ALMS1: variants seen among roughly 807,000 people sequenced by gnomAD.
ALMS1 encodes ALMS1 centrosome and basal body associated protein.
In ALMS1, 271 loss-of-function variants were observed where a neutral mutation model predicts 352.2. The ratio of observed to expected loss-of-function variants is 0.77; its 90% CI spans 0.70 to 0.85. ALMS1 has a LOEUF of 0.85. Among genes scored for constraint, ALMS1 ranks in the 40% least tolerant of loss-of-function variants. The probability of loss-of-function intolerance (pLI) is 0.00; values close to 1 mark genes in which losing one functional copy is unlikely to be tolerated. For missense variants in ALMS1, 5,445 were observed against 4,870.7 expected (o/e 1.12, Z -3.51); for synonymous variants, 1,865 against 1,761.2 (o/e 1.06, Z -1.48).
chr2:73,482,103 TC>T (rs1171530035), intron 9 of ALMS1, among the ~76,000 whole-genome samples: 1 of 152,228 alleles, frequency 6.6e-6, no homozygotes, highest in Non-Finnish European at 1.5e-5. Context: ...GGCCAGAACT[TC>T]CAACACCATG....
intron 15 of ALMS1, among the ~76,000 whole-genome samples, chr2:73,563,571 A>T (rs540610880): frequency 2.7e-4 from 41 of 151,862 alleles, no homozygotes; most frequent in African/African-American, 9.9e-4. Flanking sequence ...AAATACAAAA[A>T]AATTAGCCGG....
intron 11 of ALMS1, among the ~76,000 whole-genome samples, chr2:73,527,072 G>C (rs1045480296): frequency 6.6e-6 from 1 of 152,022 alleles, no homozygotes; most frequent in Non-Finnish European, 1.5e-5. Context: ...GCATCACATT[G>C]ATTGATTAGC....
Position 73,513,181 on chromosome 2 carries a change from C to T in ALMS1, c.9540-6594C>T, listed in dbSNP as rs555698461. Reference sequence around the variant, plus strand: ...TATTGTCTGTCTCCTTGGGTGGATGCTCTTTTCACCCTGCTTGGGCTTTGG... The same window carrying T: ...TATTGTCTGTCTCCTTGGGTGGATGTTCTTTTCACCCTGCTTGGGCTTTGG... On this transcript the variant is annotated intron_variant, in intron 10 of 22. Transcript: ENST00000613296. Among the ~76,000 whole-genome samples the T allele has an allele frequency of 8.5e-5, 13 of 152,248 alleles. No homozygotes were observed. In the South Asian group the frequency reaches 2.7e-3, roughly 32 times the overall value.
chr2:73,439,911 C>T (rs1412164134), intron 7 of ALMS1, among the ~76,000 whole-genome samples: 1 of 151,992 alleles, frequency 6.6e-6, no homozygotes, highest in Non-Finnish European at 1.5e-5. Context: ...TCACTTTATT[C>T]CTGTTTCTCT....
intron 9 of ALMS1, among the ~76,000 whole-genome samples, chr2:73,486,951 A>C (rs1049487524): frequency 2.0e-5 from 3 of 152,152 alleles, no homozygotes; most frequent in Admixed American, 6.5e-5. Context: ...GCTATCCAGG[A>C]GGCTGAGGTG....
At chr2:73,464,496 A>G (rs1044178885) in intron 9 of ALMS1, among the ~76,000 whole-genome samples, 2 of 152,236 alleles carry the variant, frequency 1.3e-5, no homozygotes, top group African/African-American at 4.8e-5. Flanking sequence ...ATCATACCGA[A>G]TGGGCAAAAA....
At chr2:73,396,335 C>A (rs1670760859) in intron 1 of ALMS1, among the ~76,000 whole-genome samples, 2 of 151,994 alleles carry the variant, frequency 1.3e-5, no homozygotes, top group African/African-American at 4.8e-5. Flanking sequence ...CACACACACA[C>A]ACACGCTTGT....
chr2:73,594,229 CA>C (rs1463851232), intron 16 of ALMS1, among the ~76,000 whole-genome samples: 1 of 145,004 alleles, frequency 6.9e-6, no homozygotes, highest in Non-Finnish European at 1.5e-5. Flanking sequence ...TCCTAGTGAA[CA>C]GTTGTTTTTG....
At chr2:73,535,186 C>T (rs1674001576) in intron 12 of ALMS1, among the ~76,000 whole-genome samples, 1 of 152,104 alleles carries the variant, frequency 6.6e-6, no homozygotes. Flanking sequence ...TTAGTGGGCT[C>T]CATCTAGGGC....
Position 73,605,231 on chromosome 2 carries a change from C to G in ALMS1, c.12362+1927C>G, listed in dbSNP as rs748426600. Among the ~76,000 whole-genome samples the G allele has an allele frequency of 9.4e-4, 143 of 152,302 alleles. 1 individual carries two copies. The highest frequency in any genetic ancestry group is 4.6e-4 in the Admixed American group (7 of 15,302). Reference sequence around the variant, plus strand: ...AAGAAAATGTGAGTTTTCAAGCCAACAATAGAAATCTAGAAAACTTGTATT... The same window carrying G: ...AAGAAAATGTGAGTTTTCAAGCCAAGAATAGAAATCTAGAAAACTTGTATT... On this transcript the variant is annotated intron_variant, in intron 21 of 22. Transcript: ENST00000613296.
At chr2:73,415,140 T>C (rs911655032) in intron 2 of ALMS1, among the ~76,000 whole-genome samples, 5 of 152,200 alleles carry the variant, frequency 3.3e-5, no homozygotes, top group African/African-American at 1.2e-4. Context: ...AATGCTTATA[T>C]GTTGTCCCTC....
In ALMS1 at chr2:73,426,457, C is replaced by T; in HGVS notation, c.1242C>T (p.Gly414=). 1 of 1,613,930 alleles carries T rather than the reference C, an allele frequency of 6.2e-7. No homozygotes were observed. Among genetic ancestry groups the T allele is most frequent in the South Asian group, 1.1e-5 (1 of 91,078 alleles). ...AAAATGACTCCTATTTTGTAGAGGGCCTGCAGGGGAAGGTTGAGTCTGACG... is the reference window on the plus strand; with the variant it reads ...AAAATGACTCCTATTTTGTAGAGGGTCTGCAGGGGAAGGTTGAGTCTGACG... ...SKQAETYLTK[G]LQGKVESDVI... is the part of the protein sequence containing the mutation. The change falls in exon 6 of 23, where the codon GGC becomes GGT. Residue 414 remains glycine, a synonymous_variant. Transcript: ENST00000613296.
At chr2:73,543,094 G>A (rs948085084) in intron 12 of ALMS1, among the ~76,000 whole-genome samples, 3 of 152,140 alleles carry the variant, frequency 2.0e-5, no homozygotes, top group African/African-American at 7.2e-5. Flanking sequence ...CTGGAGGCAT[G>A]ACGCTACCTG....
chr2:73,573,902 G>A (rs554696966), intron 16 of ALMS1, among the ~76,000 whole-genome samples: 2 of 151,952 alleles, frequency 1.3e-5, no homozygotes, highest in East Asian at 3.9e-4. Context: ...ATTGAAGCTG[G>A]GGTGAGCTAC....
rs1672383188 is a variant in ALMS1 at position 73,467,627 on chromosome 2, C to CATAT, written c.7674+12333_7674+12336dup. Among the ~76,000 whole-genome samples, 8 of 152,112 alleles carry CATAT rather than the reference C, an allele frequency of 5.3e-5. No individual in the cohort carries two copies. In the South Asian group the frequency reaches 1.7e-3, roughly 32 times the overall value. ...GGTACGTACTCAAGAACTATCAGTA[C>CATAT]ATATGTTCAGTAGAAGACATGGTCA... On this transcript the variant is annotated intron_variant, in intron 9 of 22. Coordinates refer to ENST00000613296, the MANE Select transcript of ALMS1 (RefSeq NM_001378454.1).
chr2:73,584,022 T>C (rs1313918886), intron 16 of ALMS1, among the ~76,000 whole-genome samples: 1 of 152,232 alleles, frequency 6.6e-6, no homozygotes, highest in East Asian at 1.9e-4. Flanking sequence ...TTGATTGCTA[T>C]GTAATGCATG....
At chr2:73,567,365 C>T (rs972269081) in intron 15 of ALMS1, among the ~76,000 whole-genome samples, 1 of 152,150 alleles carries the variant, frequency 6.6e-6, no homozygotes, top group Admixed American at 6.5e-5. Flanking sequence ...GTACAAAAAC[C>T]AAATGTCATA....
chr2:73,518,699 C>T (rs1673610151), intron 10 of ALMS1, among the ~76,000 whole-genome samples: 1 of 152,076 alleles, frequency 6.6e-6, no homozygotes, highest in South Asian at 2.1e-4. Flanking sequence ...TTTTGATTTG[C>T]ATTTATGTAA....
In ALMS1 at chr2:73,448,376, C is replaced by G; in HGVS notation, c.1849C>G (p.Leu617Val). Residue 617 changes from leucine (L) to valine (V), a missense_variant, in exon 8 of 23, where the codon CTA becomes GTA. Physicochemically the swap from Leu to Val is conservative, Grantham distance 32. Coordinates refer to ENST00000613296, the MANE Select transcript of ALMS1 (RefSeq NM_001378454.1). ...LADQTTGMST[L>V]TSTSYSHREK... ...TGACCAGACAACTGGCATGTCAACT[C>G]TAACCTCTACTTCCTACTCACATAG... is the stretch of plus-strand genomic sequence containing the variant. 2 of 1,613,830 alleles carry G rather than the reference C, an allele frequency of 1.2e-6. No individual in the cohort carries two copies. Among genetic ancestry groups the G allele is most frequent in the Non-Finnish European group, 1.7e-6 (2 of 1,179,888 alleles).
Sources: allele counts gnomAD v4.1 joint callset (sites outside exome capture counted in the v4.1 genomes callset), GRCh38; gene constraint gnomAD v4.1.1; transcripts MANE v1.5; gene names NCBI Gene and HGNC (gene_info 2026-07-23, HGNC 2026-07-21).